Variants in STK32A observed in about 807,000 individuals in gnomAD.
The protein encoded by STK32A is serine/threonine-protein kinase 32A.
Under a neutral mutation model 53.2 loss-of-function variants are expected in STK32A, and 41 were observed. The observed-to-expected ratio is 0.77, with a 90% CI of 0.60 to 1.00. The LOEUF (loss-of-function observed/expected upper bound fraction) is 1.00. Among genes scored for constraint, STK32A ranks in the 50% least tolerant of loss-of-function variants. The probability of loss-of-function intolerance (pLI) is 0.00; values close to 1 mark genes in which losing one functional copy is unlikely to be tolerated. For missense variants in STK32A, 458 were observed against 485.8 expected, an observed-to-expected ratio of 0.94 and a Z score of 0.54; for synonymous variants, 166 against 162.8, an observed-to-expected ratio of 1.02 and a Z score of -0.15.
chr5:147,244,386 G>A (rs1053168381), intron 2 of STK32A, among the ~76,000 whole-genome samples: 2 of 152,144 alleles, frequency 1.3e-5, no homozygotes, highest in African/African-American at 2.4e-5. Context: ...ATTCTTTTGG[G>A]TATATACCTA....
At chr5:147,308,195 T>C (rs1490338930) in intron 4 of STK32A, among the ~76,000 whole-genome samples, 1 of 151,728 alleles carries the variant, frequency 6.6e-6, no homozygotes, top group Non-Finnish European at 1.5e-5. Context: ...TATATGCGTA[T>C]ACATTTCCTT....
At chr5:147,276,097 T>A (rs1755249441) in intron 2 of STK32A, among the ~76,000 whole-genome samples, 1 of 152,178 alleles carries the variant, frequency 6.6e-6, no homozygotes, top group African/African-American at 2.4e-5. Context: ...CAGCTTTTTT[T>A]AACACTCTTG....
chr5:147,370,072 T>A (rs1479401475), intron 8 of STK32A, among the ~76,000 whole-genome samples: 2 of 152,062 alleles, frequency 1.3e-5, no homozygotes, highest in South Asian at 2.1e-4. Context: ...TCCCCCAAAA[T>A]TTTTTTTAAA....
At chr5:147,283,523 T>C (rs190255727) in intron 4 of STK32A, among the ~76,000 whole-genome samples, 93 of 145,698 alleles carry the variant, frequency 6.4e-4, no homozygotes, top group Non-Finnish European at 1.0e-3. Flanking sequence ...TTTGAAAAGA[T>C]AAACAAAATT....
intron 2 of STK32A, among the ~76,000 whole-genome samples, chr5:147,241,403 C>T (rs773716505): frequency 3.2e-4 from 49 of 152,108 alleles, no homozygotes; most frequent in Non-Finnish European, 4.0e-4. Flanking sequence ...GGCGGGAACC[C>T]GGGAGGCGGA....
At chr5:147,343,841 G>T (rs931816206) in intron 6 of STK32A, among the ~76,000 whole-genome samples, 11 of 152,152 alleles carry the variant, frequency 7.2e-5, no homozygotes, top group Non-Finnish European at 1.5e-4. Context: ...ACATAAAAAA[G>T]ATAAAAGTAT....
chr5:147,258,105 C>A (rs1404235323), intron 2 of STK32A, among the ~76,000 whole-genome samples: 1 of 149,432 alleles, frequency 6.7e-6, no homozygotes, highest in Non-Finnish European at 1.5e-5. Flanking sequence ...ACATATTTAT[C>A]CAATTTTTAA....
intron 2 of STK32A, among the ~76,000 whole-genome samples, chr5:147,270,081 A>G (rs1754963388): frequency 6.6e-6 from 1 of 152,240 alleles, no homozygotes; most frequent in African/African-American, 2.4e-5. Context: ...TGTCAAAAGC[A>G]ATTGGTTTTA....
chr5:147,265,390 C>A (rs1018679362), intron 2 of STK32A, among the ~76,000 whole-genome samples: 6 of 152,032 alleles, frequency 3.9e-5, no homozygotes, highest in South Asian at 2.1e-4. Context: ...TTTTGTACAC[C>A]ATACAAAATA....
chr5:147,292,711 A>T (rs2151961830), intron 4 of STK32A, among the ~76,000 whole-genome samples: 1 of 152,214 alleles, frequency 6.6e-6, no homozygotes, highest in East Asian at 1.9e-4. Context: ...AAAATACAAA[A>T]TTAGCCAGAC....
intron 4 of STK32A, among the ~76,000 whole-genome samples, chr5:147,319,845 G>T (rs1358201468): frequency 6.6e-6 from 1 of 152,102 alleles, no homozygotes; most frequent in African/African-American, 2.4e-5. Context: ...ATGTTCTCTT[G>T]CTTTTCCTTG....
At chr5:147,262,012 G>A (rs954239575) in intron 2 of STK32A, among the ~76,000 whole-genome samples, 1 of 152,136 alleles carries the variant, frequency 6.6e-6, no homozygotes, top group Admixed American at 6.5e-5. Context: ...GCATTTGCGA[G>A]GTTAAATGAG....
chr5:147,270,268 G>A (rs1028246031), intron 2 of STK32A, among the ~76,000 whole-genome samples: 5 of 151,804 alleles, frequency 3.3e-5, no homozygotes, highest in Admixed American at 6.6e-5. Context: ...GCAGTGGTGC[G>A]ATCACAGCTT....
At chr5:147,326,596 C>A (rs1754602485) in intron 5 of STK32A, among the ~76,000 whole-genome samples, 1 of 152,004 alleles carries the variant, frequency 6.6e-6, no homozygotes, top group African/African-American at 2.4e-5. Flanking sequence ...CATTGTATAA[C>A]CAGTATGTGA....
intron 7 of STK32A, among the ~76,000 whole-genome samples, chr5:147,356,507 G>A (rs900091165): frequency 6.6e-6 from 1 of 152,098 alleles, no homozygotes; most frequent in African/African-American, 2.4e-5. Flanking sequence ...ACAGTCATAG[G>A]GGTCTGATGC....
At chr5:147,352,130 C>T (rs1234435958) in intron 7 of STK32A, among the ~76,000 whole-genome samples, 3 of 152,002 alleles carry the variant, frequency 2.0e-5, no homozygotes, top group African/African-American at 2.4e-5. Flanking sequence ...GAGCATTGCT[C>T]GAGTCCAGGA....
At chr5:147,378,242 C>A (rs1175567736) in intron 11 of STK32A, among the ~76,000 whole-genome samples, 1 of 152,216 alleles carries the variant, frequency 6.6e-6, no homozygotes, top group South Asian at 2.1e-4. Flanking sequence ...TTAGGATAGG[C>A]TTTCCAGAGG....
intron 2 of STK32A, among the ~76,000 whole-genome samples, chr5:147,277,043 C>A (rs1751763799): frequency 6.6e-6 from 1 of 152,146 alleles, no homozygotes; most frequent in South Asian, 2.1e-4. Context: ...GTTTGACTCT[C>A]AGATATCTTG....
intron 1 of STK32A, among the ~76,000 whole-genome samples, chr5:147,237,852 G>A (rs962372911): frequency 6.6e-6 from 1 of 152,082 alleles, no homozygotes; most frequent in Non-Finnish European, 1.5e-5. Context: ...ACTTCCTTAG[G>A]GGTTTCATAA....
Sources: allele counts gnomAD v4.1 joint callset (sites outside exome capture counted in the v4.1 genomes callset), GRCh38; gene constraint gnomAD v4.1.1; transcripts MANE v1.5; gene names NCBI Gene and HGNC (gene_info 2026-07-23, HGNC 2026-07-21).